AIG1: variants seen among roughly 807,000 people sequenced by gnomAD.
AIG1 encodes the protein androgen-induced gene 1 protein.
AIG1 carries 23 observed loss-of-function variants against 31.4 expected under a neutral mutation model. The observed-to-expected ratio is 0.73, with a 90% CI of 0.53 to 1.04. The LOEUF (loss-of-function observed/expected upper bound fraction) is 1.04. Among genes scored for constraint, AIG1 ranks in the 50% least tolerant of loss-of-function variants. AIG1 has a pLI of 0.00. For synonymous variants in AIG1, 100 were observed against 110.5 expected (o/e 0.90, Z 0.60); for missense variants, 274 against 295.0 (o/e 0.93, Z 0.52).
Position 143,279,581 on chromosome 6 carries a change from G to A in AIG1, c.400-4529G>A, listed in dbSNP as rs1797200096. 6.6e-6 allele frequency among the ~76,000 whole-genome samples: 1 copy of A among 152,170 alleles called. No individual in the cohort carries two copies. The highest frequency in any genetic ancestry group is 1.5e-5 in the Non-Finnish European group (1 of 68,034). On this transcript the variant is annotated intron_variant, in intron 3 of 5. Coordinates refer to ENST00000357847, the MANE Select transcript of AIG1 (RefSeq NM_016108.4). This position sits in a 1 kb window ranked among gnomAD's most constrained non-coding sequence, Gnocchi z 5.4. ...ACCTCAGGTGTGAGGACTGCTCTGT[G>A]TGGAGGTGACACCCCCTTGTGGATC...
chr6:143,066,997 C>T (rs1776774129), intron 1 of AIG1, among the ~76,000 whole-genome samples: 1 of 151,980 alleles, frequency 6.6e-6, no homozygotes, highest in Non-Finnish European at 1.5e-5. Context: ...CAGCAAGGCT[C>T]CCACTACAAA....
At chr6:143,190,651 A>G in intron 3 of AIG1, 2 of 977,730 alleles carry the variant, frequency 2.0e-6, no homozygotes, top group African/African-American at 1.7e-5. Context: ...CCTTCTTTCC[A>G]AAGCCCCAGG....
At chr6:143,069,770 G>T (rs1265658268) in intron 1 of AIG1, among the ~76,000 whole-genome samples, 2 of 152,118 alleles carry the variant, frequency 1.3e-5, no homozygotes, top group Non-Finnish European at 2.9e-5. Flanking sequence ...TTTATCAATA[G>T]TGTCTTAAAC....
At chr6:143,317,390 A>G (rs2128712503) in intron 4 of AIG1, among the ~76,000 whole-genome samples, 1 of 152,300 alleles carries the variant, frequency 6.6e-6, no homozygotes, top group East Asian at 1.9e-4. Flanking sequence ...CATAAACAGA[A>G]TTAAAAACAA....
Position 143,077,507 on chromosome 6 carries a change from A to T in AIG1, c.141+16441A>T, listed in dbSNP as rs1488725247. 3.3e-5 allele frequency among the ~76,000 whole-genome samples: 5 copies of T among 152,322 alleles called. No homozygotes were observed. The South Asian group carries it at 1.0e-3, about 32-fold the overall frequency. ...GTTCTTTTCTTTCATCACTTAAAAG[A>T]TGTGTCACTGTCATCTAGCCTGTGT... On this transcript the variant is annotated intron_variant, in intron 1 of 5. Transcript: ENST00000357847.
intron 4 of AIG1, among the ~76,000 whole-genome samples, chr6:143,301,386 G>T (rs1798814447): frequency 6.6e-6 from 1 of 152,140 alleles, no homozygotes; most frequent in African/African-American, 2.4e-5. Flanking sequence ...TCTTTCTTTT[G>T]TTATTCACCT....
At chr6:143,332,596 C>G (rs1777167807) in intron 4 of AIG1, among the ~76,000 whole-genome samples, 1 of 152,174 alleles carries the variant, frequency 6.6e-6, no homozygotes, top group Non-Finnish European at 1.5e-5. Context: ...CAGCATATGG[C>G]ATGAGTGTTG....
intron 4 of AIG1, among the ~76,000 whole-genome samples, chr6:143,317,229 A>G (rs529206363): frequency 2.0e-5 from 3 of 152,258 alleles, no homozygotes; most frequent in South Asian, 2.1e-4. Context: ...CTACAGACCA[A>G]TATCCCTGAT....
downstream of AIG1, among the ~76,000 whole-genome samples, chr6:143,341,927 A>T (rs887632127): frequency 5.9e-5 from 9 of 151,768 alleles, no homozygotes; most frequent in Non-Finnish European, 1.3e-4. Flanking sequence ...GTACTAAAAA[A>T]TTTTTTTTTG....
At chr6:143,199,575 C>T (rs1465500800) in intron 3 of AIG1, among the ~76,000 whole-genome samples, 3 of 152,120 alleles carry the variant, frequency 2.0e-5, no homozygotes, top group Admixed American at 6.6e-5. Flanking sequence ...TTTCTGTACT[C>T]CAGTTAAGTG....
intron 1 of AIG1, among the ~76,000 whole-genome samples, chr6:143,113,834 G>C (rs1036677878): frequency 1.3e-5 from 2 of 151,760 alleles, no homozygotes; most frequent in Non-Finnish European, 2.9e-5. Flanking sequence ...GAGTGCAGTG[G>C]CGTGATCTCG....
chr6:143,061,497 G>A (rs1264489202), intron 1 of AIG1: 1 of 347,782 alleles, frequency 2.9e-6, no homozygotes, highest in Non-Finnish European at 5.7e-6. Context: ...TGCAACTGAA[G>A]GAAACTGGGT....
intron 4 of AIG1, among the ~76,000 whole-genome samples, chr6:143,322,389 G>A (rs947986381): frequency 5.9e-5 from 9 of 152,280 alleles, no homozygotes; most frequent in South Asian, 2.1e-4. Flanking sequence ...CAGTTCTGCC[G>A]TGTTTTGATG....
At chr6:143,073,817 A>T (rs575875637) in intron 1 of AIG1, among the ~76,000 whole-genome samples, 10 of 152,330 alleles carry the variant, frequency 6.6e-5, no homozygotes, top group Admixed American at 4.6e-4. Flanking sequence ...ACACTTGTAA[A>T]CAGCCAGATC....
At chr6:143,129,188 G>T (rs943273057) in intron 1 of AIG1, among the ~76,000 whole-genome samples, 1 of 152,152 alleles carries the variant, frequency 6.6e-6, no homozygotes, top group African/African-American at 2.4e-5. Context: ...CTATTTGGGA[G>T]GCCGAGGCAG....
chr6:143,224,683 T>C (rs2076138214), intron 3 of AIG1, among the ~76,000 whole-genome samples: 1 of 152,168 alleles, frequency 6.6e-6, no homozygotes, highest in African/African-American at 2.4e-5. Context: ...ATGAGTAATG[T>C]AGTAGGTCCT....
intron 2 of AIG1, among the ~76,000 whole-genome samples, chr6:143,147,569 C>T (rs891631403): frequency 2.0e-5 from 3 of 152,120 alleles, no homozygotes; most frequent in African/African-American, 7.2e-5. Flanking sequence ...CAGGGGGCGG[C>T]TATTACACTA....
chr6:143,180,299 C>T (rs117231186), intron 3 of AIG1, among the ~76,000 whole-genome samples: 1 of 152,158 alleles, frequency 6.6e-6, no homozygotes, highest in Non-Finnish European at 1.5e-5. Flanking sequence ...AAAACAGATG[C>T]AGTTTTAAAG....
intron 1 of AIG1, among the ~76,000 whole-genome samples, chr6:143,125,218 G>A (rs1325897413): frequency 6.6e-6 from 1 of 152,134 alleles, no homozygotes; most frequent in Non-Finnish European, 1.5e-5. Flanking sequence ...GATCAAAGAT[G>A]CAACATCTTT....
Sources: gnomAD v4.1 joint callset for allele counts (sites outside exome capture counted in the v4.1 genomes callset) on GRCh38, gnomAD v4.1.1 for gene constraint, Gnocchi (gnomAD v3.1) non-coding constraint, MANE v1.5 for transcripts, NCBI Gene and HGNC (gene_info 2026-07-23, HGNC 2026-07-21) for gene names.